The following SLC24A2 variants were observed in gnomAD, a reference collection of about 807,000 sequenced individuals.
SLC24A2 encodes sodium/potassium/calcium exchanger 2.
A neutral mutation model predicts 62.0 loss-of-function variants in SLC24A2; 36 were observed. That is an observed-to-expected ratio of 0.58 (90% CI 0.44 to 0.77). SLC24A2 has a LOEUF of 0.77. Ranked by LOEUF, SLC24A2 falls within the 30% of genes least tolerant of loss-of-function variation. The pLI is 0.00. For missense variants in SLC24A2, 846 were observed against 817.9 expected, an observed-to-expected ratio of 1.03 and a Z score of -0.42; for synonymous variants, 358 against 294.0, an observed-to-expected ratio of 1.22 and a Z score of -2.23.
the SLC24A2 span, among the ~76,000 whole-genome samples, chr9:20,278,711 A>C: frequency 3.9e-5 from 6 of 152,176 alleles, no homozygotes; most frequent in Non-Finnish European, 8.8e-5. Context: ...AGTCTTTAGG[A>C]AGTTTAGACT....
chr9:20,193,679 T>G, the SLC24A2 span, among the ~76,000 whole-genome samples: 1 of 152,058 alleles, frequency 6.6e-6, no homozygotes, highest in Non-Finnish European at 1.5e-5. Flanking sequence ...GGATGTTGAT[T>G]TTTAAAATAT....
chr9:20,238,663 C>T, the SLC24A2 span, among the ~76,000 whole-genome samples: 1 of 152,142 alleles, frequency 6.6e-6, no homozygotes, highest in African/African-American at 2.4e-5. Flanking sequence ...CTGTGAGGGG[C>T]CTTGTTTGCA....
chr9:20,039,403 G>A, the SLC24A2 span, among the ~76,000 whole-genome samples: 115 of 151,920 alleles, frequency 7.6e-4, no homozygotes, highest in East Asian at 0.013. Context: ...GGTTGGGAGG[G>A]AAACCCAGTC....
chr9:19,864,580 G>C, the SLC24A2 span, among the ~76,000 whole-genome samples: 1 of 151,934 alleles, frequency 6.6e-6, no homozygotes, highest in African/African-American at 2.4e-5. Context: ...ACAGAATGAA[G>C]GACAAAAACC....
At chr9:19,629,198 A>G (rs992330842) in intron 2 of SLC24A2, among the ~76,000 whole-genome samples, 1 of 152,176 alleles carries the variant, frequency 6.6e-6, no homozygotes, top group Non-Finnish European at 1.5e-5. Context: ...ACGAACTCAG[A>G]CAGTTGGGCT....
intron 2 of SLC24A2, among the ~76,000 whole-genome samples, chr9:19,678,733 G>C (rs1375165332): frequency 1.3e-5 from 2 of 152,158 alleles, no homozygotes; most frequent in African/African-American, 4.8e-5. Flanking sequence ...GTTATGTTAA[G>C]ATTTCACTCA....
At chr9:20,258,346 G>C in the SLC24A2 span, among the ~76,000 whole-genome samples, 2 of 152,234 alleles carry the variant, frequency 1.3e-5, no homozygotes, top group African/African-American at 4.8e-5. Flanking sequence ...TTTGGCATTT[G>C]ATTAGAATGA....
intron 9 of SLC24A2, 121 bp from the exon 10 acceptor site, chr9:19,521,181 A>T: frequency 1.2e-6 from 1 of 857,440 alleles, no homozygotes; most frequent in Non-Finnish European, 1.9e-6. Flanking sequence ...CAAAGTGCTG[A>T]GATGATAAAG....
At chr9:20,147,588 C>T in the SLC24A2 span, among the ~76,000 whole-genome samples, 1 of 152,058 alleles carries the variant, frequency 6.6e-6, no homozygotes, top group African/African-American at 2.4e-5. Flanking sequence ...TCAAACAGAC[C>T]CCAACTCATA....
intron 8 of SLC24A2, among the ~76,000 whole-genome samples, chr9:19,549,522 G>T (rs1338081203): frequency 6.6e-6 from 1 of 152,170 alleles, no homozygotes; most frequent in African/African-American, 2.4e-5. Context: ...TTGGAGTCCT[G>T]ACTGACCTCT....
chr9:20,140,962 C>T, the SLC24A2 span, among the ~76,000 whole-genome samples: 7 of 152,106 alleles, frequency 4.6e-5, no homozygotes, highest in Non-Finnish European at 2.9e-5. Flanking sequence ...CTCCTTGTCT[C>T]GCCTCCTGAA....
At chr9:19,605,676 C>G (rs113567627) in intron 4 of SLC24A2, among the ~76,000 whole-genome samples, 19 of 152,090 alleles carry the variant, frequency 1.2e-4, no homozygotes, top group African/African-American at 4.3e-4. Context: ...TTGATGGCTG[C>G]AAGAAAAAAC....
the SLC24A2 span, among the ~76,000 whole-genome samples, chr9:19,868,967 G>A: frequency 6.6e-6 from 1 of 151,996 alleles, no homozygotes; most frequent in Non-Finnish European, 1.5e-5. Flanking sequence ...CACAATTAAT[G>A]TAGTTATTTA....
chr9:19,826,933 T>C, the SLC24A2 span, among the ~76,000 whole-genome samples: 1 of 152,276 alleles, frequency 6.6e-6, no homozygotes, highest in Admixed American at 6.5e-5. Flanking sequence ...TTTGTTTCCC[T>C]CCTTACTGTA....
At chr9:20,132,590 C>T in the SLC24A2 span, among the ~76,000 whole-genome samples, 568 of 152,186 alleles carry the variant, frequency 3.7e-3, no homozygotes, top group African/African-American at 0.011. Flanking sequence ...TCCCCAATGG[C>T]GTGGATTCCA....
chr9:19,734,279 G>C (rs1821430583), intron 2 of SLC24A2, among the ~76,000 whole-genome samples: 1 of 152,082 alleles, frequency 6.6e-6, no homozygotes, highest in Non-Finnish European at 1.5e-5. Flanking sequence ...TGCTGTTTTG[G>C]TTACTGTAGC....
chr9:19,889,686 C>T, the SLC24A2 span, among the ~76,000 whole-genome samples: 1 of 152,198 alleles, frequency 6.6e-6, no homozygotes, highest in Admixed American at 6.5e-5. Context: ...GCCACTCACA[C>T]TGAATCATGA....
the SLC24A2 span, among the ~76,000 whole-genome samples, chr9:20,160,778 T>C: frequency 6.6e-6 from 1 of 150,998 alleles, no homozygotes; most frequent in South Asian, 2.1e-4. Context: ...GGAAAAGTCA[T>C]AACCTTAAAC....
At chr9:20,220,859 G>C in the SLC24A2 span, among the ~76,000 whole-genome samples, 5 of 152,056 alleles carry the variant, frequency 3.3e-5, no homozygotes, top group African/African-American at 9.7e-5. Context: ...AAAATATCAA[G>C]TCTAAAGAAC....
Sources: allele counts gnomAD v4.1 joint callset (sites outside exome capture counted in the v4.1 genomes callset), GRCh38; gene constraint gnomAD v4.1.1; transcripts MANE v1.5; gene names NCBI Gene and HGNC (gene_info 2026-07-23, HGNC 2026-07-21).